PCBP3: variants seen among roughly 807,000 people sequenced by gnomAD.
PCBP3 encodes the protein poly(rC)-binding protein 3.
Under a neutral mutation model 52.7 loss-of-function variants are expected in PCBP3, and 25 were observed. That is an observed-to-expected ratio of 0.47 (90% CI 0.35 to 0.66). PCBP3 has a LOEUF of 0.66. Ranked by LOEUF, PCBP3 falls within the 30% of genes least tolerant of loss-of-function variation. The pLI is 0.01. For missense variants in PCBP3, 391 were observed against 490.3 expected, an observed-to-expected ratio of 0.80 and a Z score of 1.91; for synonymous variants, 162 against 183.0, an observed-to-expected ratio of 0.89 and a Z score of 0.93.
intron 2 of PCBP3, among the ~76,000 whole-genome samples, chr21:45,700,500 C>G (rs1195619363): frequency 6.6e-6 from 1 of 152,162 alleles, no homozygotes; most frequent in Middle Eastern, 3.2e-3. Context: ...ACACAGCACC[C>G]CCTGTACTGT....
intron 4 of PCBP3, among the ~76,000 whole-genome samples, chr21:45,797,935 C>T (rs976739902): frequency 3.6e-3 from 2 of 554 alleles, no homozygotes; most frequent in Non-Finnish European, 5.4e-3. Context: ...TGGATGCCTA[C>T]ATGGATGAAT....
At chr21:45,930,414 C>T (rs963669902) in intron 14 of PCBP3, among the ~76,000 whole-genome samples, 3 of 152,184 alleles carry the variant, frequency 2.0e-5, no homozygotes, top group Admixed American at 6.5e-5. Flanking sequence ...TGCAGGAAGC[C>T]ACTGCGTATC....
At chr21:45,925,547 C>T (rs550475773) in intron 13 of PCBP3, among the ~76,000 whole-genome samples, 45 of 151,870 alleles carry the variant, frequency 3.0e-4, no homozygotes, top group African/African-American at 9.9e-4. Context: ...AACAAATAGG[C>T]AAGCAAACAA....
At chr21:45,719,962 A>G (rs750083483) in intron 2 of PCBP3, among the ~76,000 whole-genome samples, 7 of 152,146 alleles carry the variant, frequency 4.6e-5, no homozygotes, top group Non-Finnish European at 7.3e-5. Flanking sequence ...CCTCCAGATG[A>G]CTTGCCAGAG....
intron 4 of PCBP3, among the ~76,000 whole-genome samples, chr21:45,765,509 G>A (rs925609159): frequency 4.7e-4 from 71 of 152,336 alleles, no homozygotes; most frequent in African/African-American, 1.4e-3. Context: ...CTCTCCCGGC[G>A]GGCTGGGCCT....
Position 45,941,957 on chromosome 21 carries a change from C to T in PCBP3, c.*251C>T. On this transcript the variant is annotated 3_prime_UTR_variant, in exon 18 of 18. Transcript: ENST00000681687. ...ACTTACGCTCCCGTCTGCCCATGCA[C>T]CGGCATGCAGTGGTAATTATTTTAG... The T allele has an allele frequency of 2.3e-6, 1 of 427,922 alleles. No homozygotes were observed. Among genetic ancestry groups the T allele is most frequent in the Non-Finnish European group, 4.1e-6 (1 of 243,756 alleles). The allele number at this position is 427,922 out of a possible 1,614,324, so 26.5% of individuals were successfully genotyped here. A position where few individuals can be genotyped will look rare whatever the true frequency, so the allele number is the denominator to read the frequency against.
At chr21:45,931,651 G>C (rs1305618275) in intron 15 of PCBP3, among the ~76,000 whole-genome samples, 6 of 149,584 alleles carry the variant, frequency 4.0e-5, no homozygotes, top group Non-Finnish European at 7.4e-5. Flanking sequence ...CCTGAGATGA[G>C]TGAACACGTC....
chr21:45,695,208 G>A (rs1019876950), intron 2 of PCBP3, among the ~76,000 whole-genome samples: 7 of 152,208 alleles, frequency 4.6e-5, no homozygotes, highest in African/African-American at 7.2e-5. Flanking sequence ...TCTTGGCCCC[G>A]TTTGTTGAAA....
intron 1 of PCBP3, among the ~76,000 whole-genome samples, chr21:45,667,851 G>A (rs1048003129): frequency 6.6e-6 from 1 of 152,082 alleles, no homozygotes; most frequent in East Asian, 1.9e-4. Context: ...GCTTGTTATA[G>A]TAGTTTCTGT....
At chr21:45,930,298 G>A (rs1432951656) in intron 14 of PCBP3, among the ~76,000 whole-genome samples, 1 of 152,184 alleles carries the variant, frequency 6.6e-6, no homozygotes, top group African/African-American at 2.4e-5. Context: ...GCCCTGTGCT[G>A]CCCGCAGTCT....
chr21:45,897,298 C>T (rs117149029), intron 6 of PCBP3, among the ~76,000 whole-genome samples: 1 of 152,322 alleles, frequency 6.6e-6, no homozygotes, highest in Non-Finnish European at 1.5e-5. Flanking sequence ...CAAAGCATCC[C>T]CTGGTCCCCT....
chr21:45,826,907 G>T (rs904500574), intron 4 of PCBP3, among the ~76,000 whole-genome samples: 1 of 152,098 alleles, frequency 6.6e-6, no homozygotes, highest in Non-Finnish European at 1.5e-5. Flanking sequence ...AGCCTCCCCC[G>T]AGTCAGGAAA....
Position 45,704,174 on chromosome 21 carries a change from T to G in PCBP3, c.-199-31218T>G, listed in dbSNP as rs1401534544. Among the ~76,000 whole-genome samples, 1 of 152,118 alleles carries G rather than the reference T, an allele frequency of 6.6e-6. No homozygotes were observed. The highest frequency in any genetic ancestry group is 1.9e-4 in the East Asian group (1 of 5,174). On this transcript the variant is annotated intron_variant, in intron 2 of 17. Coordinates refer to ENST00000681687, the MANE Select transcript of PCBP3 (RefSeq NM_001384156.1). The surrounding 1 kb of genome is among the most constrained non-coding windows in gnomAD (Gnocchi z 4.1). The stretch of plus-strand genomic sequence containing the variant: ...AAGCCAAGGGGCACTGCCCAGCCGC[T>G]GAGTGGGTGGTGGTGAAGGTCATAT...
At chr21:45,825,350 C>G (rs1262206937) in intron 4 of PCBP3, among the ~76,000 whole-genome samples, 1 of 152,190 alleles carries the variant, frequency 6.6e-6, no homozygotes, top group Admixed American at 6.5e-5. Context: ...GCCCTCCTCC[C>G]TGATCGTCAT....
intron 4 of PCBP3, among the ~76,000 whole-genome samples, chr21:45,801,156 G>A (rs1480636597): frequency 6.6e-6 from 1 of 152,238 alleles, no homozygotes; most frequent in Non-Finnish European, 1.5e-5. Context: ...CACTGCCACT[G>A]CGTCCTGTGG....
rs1419750044 is a variant in PCBP3 at position 45,901,095 on chromosome 21, C to T, written c.321C>T (p.Ile107=). The T allele has an allele frequency of 3.1e-6, 5 of 1,612,344 alleles. No homozygotes were observed. The highest frequency in any genetic ancestry group is 2.7e-5 in the African/African-American group (2 of 75,006). The change falls in exon 9 of 18, where the codon ATC becomes ATT. Residue 107 remains isoleucine, a synonymous_variant. Coordinates refer to ENST00000681687, the MANE Select transcript of PCBP3 (RefSeq NM_001384156.1). ...TDAIFKAFAM[I]AYKFEEDIIN... The stretch of plus-strand genomic sequence containing the variant: ...CCATCTTCAAGGCCTTTGCCATGAT[C>T]GCATACAAGTTTGAGGAGGTAACCT...
rs922062993 is a variant in PCBP3, at chr21:45,704,859, C to T, written c.-199-30533C>T. On this transcript the variant is annotated intron_variant, in intron 2 of 17. Coordinates refer to ENST00000681687, the MANE Select transcript of PCBP3 (RefSeq NM_001384156.1). This position sits in a 1 kb window ranked among gnomAD's most constrained non-coding sequence, Gnocchi z 4.1. ...TACAGTGCAGGTAGACGACACAGGGCGCTGCTGTCTGCTGAATACATGATG... is the reference window on the plus strand; with the variant it reads ...TACAGTGCAGGTAGACGACACAGGGTGCTGCTGTCTGCTGAATACATGATG... Among the ~76,000 whole-genome samples, 7 of 152,262 alleles carry T rather than the reference C, an allele frequency of 4.6e-5. No homozygotes were observed. The highest frequency in any genetic ancestry group is 1.4e-4 in the African/African-American group (6 of 41,566).
intron 1 of PCBP3, among the ~76,000 whole-genome samples, chr21:45,657,665 CACTT>C (rs1278546065): frequency 6.9e-6 from 1 of 145,916 alleles, no homozygotes; most frequent in Non-Finnish European, 1.5e-5. Context: ...TTTGGTTTGT[CACTT>C]TCTGGAAAAA....
At chr21:45,669,539 T>C (rs1410231623) in intron 2 of PCBP3, among the ~76,000 whole-genome samples, 6 of 151,692 alleles carry the variant, frequency 4.0e-5, no homozygotes. Context: ...TCCAATACTC[T>C]TTTCATCTTG....
Sources: gnomAD v4.1 joint callset for allele counts (sites outside exome capture counted in the v4.1 genomes callset) on GRCh38, gnomAD v4.1.1 for gene constraint, Gnocchi (gnomAD v3.1) non-coding constraint, MANE v1.5 for transcripts, NCBI Gene and HGNC (gene_info 2026-07-23, HGNC 2026-07-21) for gene names.